The following LARP1B variants were observed in gnomAD, a reference collection of about 807,000 sequenced individuals.
LARP1B encodes the protein La ribonucleoprotein 1B.
A neutral mutation model predicts 114.2 loss-of-function variants in LARP1B; 76 were observed. That is an observed-to-expected ratio of 0.67 (90% CI 0.55 to 0.81). LARP1B has a LOEUF of 0.81. Among genes scored for constraint, LARP1B ranks in the 30% least tolerant of loss-of-function variants. LARP1B has a pLI of 0.00. For missense variants in LARP1B, 1,014 were observed against 1,075.8 expected (o/e 0.94, Z 0.80); for synonymous variants, 345 against 348.0 (o/e 0.99, Z 0.10).
chr4:128,160,242 CTG>C (rs1176050968), intron 11 of LARP1B, among the ~76,000 whole-genome samples: 4 of 152,232 alleles, frequency 2.6e-5, no homozygotes, highest in African/African-American at 2.4e-5. Flanking sequence ...GAGCCACAAA[CTG>C]TGGTTACATG....
chr4:128,073,572 G>GGTTTTTTTTTTTTTTTTTTTTT (rs1766384506), intron 1 of LARP1B, among the ~76,000 whole-genome samples: 1 of 39,996 alleles, frequency 2.5e-5, no homozygotes, highest in Non-Finnish European at 5.0e-5. Flanking sequence ...TATTGTTGTC[G>GGTTTTTTTTTTTTTTTTTTTTT]TTTTTTTTTT....
intron 11 of LARP1B, among the ~76,000 whole-genome samples, chr4:128,158,823 C>A (rs1400039862): frequency 6.6e-6 from 1 of 152,060 alleles, no homozygotes; most frequent in Non-Finnish European, 1.5e-5. Context: ...TGTGTACCGT[C>A]ACTTCCCTTC....
chr4:128,140,167 A>G (rs1408389400), intron 11 of LARP1B, among the ~76,000 whole-genome samples: 4 of 152,212 alleles, frequency 2.6e-5, no homozygotes. Flanking sequence ...GAAATTTAAG[A>G]TTACATTGTG....
At chr4:128,086,196 G>A (rs1309991605) in intron 5 of LARP1B, among the ~76,000 whole-genome samples, 1 of 151,576 alleles carries the variant, frequency 6.6e-6, no homozygotes, top group African/African-American at 2.4e-5. Context: ...TAGTAGAGAG[G>A]GAGTTTCACC....
intron 9 of LARP1B, 105 bp from the exon 10 acceptor site, chr4:128,114,465 T>A: frequency 8.4e-6 from 7 of 833,638 alleles, no homozygotes; most frequent in South Asian, 3.6e-5. Flanking sequence ...CTGATCATGT[T>A]TTTGTGAAAA....
At chr4:128,068,518 A>G (rs894221363) in intron 1 of LARP1B, among the ~76,000 whole-genome samples, 6 of 152,090 alleles carry the variant, frequency 3.9e-5, no homozygotes, top group Non-Finnish European at 5.9e-5. Flanking sequence ...AAATTTAAAA[A>G]TAGAGACAGT....
In LARP1B at chr4:128,162,307, G is replaced by C. The variant is rs780845254; in HGVS notation, c.1638G>C (p.Gln546His). 5 of 1,612,490 alleles carry C rather than the reference G, an allele frequency of 3.1e-6. No homozygotes were observed. In the Admixed American group the frequency reaches 8.4e-5, roughly 27 times the overall value. Reference sequence around the variant, plus strand: ...AAGAAGTTCCTGTAGCACCTTCACAGTCCAGGCAAGGTATGTAAATCTGCT... The same window carrying C: ...AAGAAGTTCCTGTAGCACCTTCACACTCCAGGCAAGGTATGTAAATCTGCT... ...PNQEVPVAPS[Q>H]SRQGGVQGVL... Residue 546 changes from glutamine to histidine, a missense_variant, in exon 12 of 20, where the codon CAG becomes CAC. By Grantham distance (24) the Gln-to-His change is conservative. Transcript: ENST00000326639.
chr4:128,075,239 C>T (rs1767351456), intron 3 of LARP1B, among the ~76,000 whole-genome samples: 1 of 151,618 alleles, frequency 6.6e-6, no homozygotes. Context: ...GTAGCTGGGA[C>T]TACAGGCACG....
intron 12 of LARP1B, among the ~76,000 whole-genome samples, chr4:128,164,521 A>G (rs1451519977): frequency 3.9e-5 from 6 of 152,190 alleles, no homozygotes; most frequent in African/African-American, 1.4e-4. Context: ...ACATGAATAG[A>G]AAAAGTAGTA....
intron 11 of LARP1B, among the ~76,000 whole-genome samples, chr4:128,158,925 T>G (rs1307307269): frequency 6.6e-6 from 1 of 151,946 alleles, no homozygotes; most frequent in Admixed American, 6.6e-5. Flanking sequence ...ATCCCAGCTG[T>G]TCTGGAGGCT....
chr4:128,167,063 T>C (rs961057846), intron 12 of LARP1B, among the ~76,000 whole-genome samples: 6 of 146,974 alleles, frequency 4.1e-5, no homozygotes, highest in South Asian at 2.2e-4. Context: ...CACACACATA[T>C]ACACACACAC....
At chr4:128,179,847 C>T (rs1020559999) in intron 15 of LARP1B, among the ~76,000 whole-genome samples, 1 of 151,938 alleles carries the variant, frequency 6.6e-6, no homozygotes, top group African/African-American at 2.4e-5. Flanking sequence ...TTATTGAGGA[C>T]ATTAATGTGC....
chr4:128,112,466 A>ATTTTTTTTTTTTT (rs1174266918), intron 9 of LARP1B, among the ~76,000 whole-genome samples: 1 of 69,318 alleles, frequency 1.4e-5, no homozygotes, highest in African/African-American at 6.1e-5. Context: ...TGCTTACTCT[A>ATTTTTTTTTTTTT]TTTTTTTTTT....
At chr4:128,108,674 T>A in intron 9 of LARP1B, 4 of 984,012 alleles carry the variant, frequency 4.1e-6, no homozygotes, top group Non-Finnish European at 4.8e-6. Flanking sequence ...TTATTTTTTG[T>A]TAAGATATAA....
intron 11 of LARP1B, among the ~76,000 whole-genome samples, chr4:128,135,719 G>A (rs768797310): frequency 1.4e-4 from 22 of 152,168 alleles, no homozygotes; most frequent in Non-Finnish European, 2.5e-4. Flanking sequence ...AACTAAAGTG[G>A]TGAAGTTTAT....
intron 5 of LARP1B, among the ~76,000 whole-genome samples, chr4:128,088,786 C>T (rs1774698019): frequency 6.6e-6 from 1 of 151,956 alleles, no homozygotes; most frequent in Admixed American, 6.6e-5. Flanking sequence ...ATAAGGCTTA[C>T]TTACAGATTA....
At position 128,211,551 on chromosome 4, in the gene LARP1B, A is replaced by C; in HGVS notation, c.*1498A>C. 1.1e-6 allele frequency: 1 copy of C among 924,632 alleles called. No individual in the cohort carries two copies. The highest frequency in any genetic ancestry group is 1.3e-6 in the Non-Finnish European group (1 of 774,656). 57.3% of individuals were successfully genotyped at this position (924,632 alleles called of 1,614,324 possible). A position where few individuals can be genotyped will look rare whatever the true frequency, so the allele number is the denominator to read the frequency against. On this transcript the variant is annotated 3_prime_UTR_variant, in exon 20 of 20. Transcript: ENST00000326639. ...GAAATAGTCAAATTTGAATATTCAG[A>C]AAATAAATTTATTTAGATATATTGT...
intron 19 of LARP1B, among the ~76,000 whole-genome samples, chr4:128,207,897 G>A (rs1253657178): frequency 6.6e-6 from 1 of 152,168 alleles, no homozygotes; most frequent in Non-Finnish European, 1.5e-5. Flanking sequence ...ACTCTCATGC[G>A]TTCTTCTCAT....
At chr4:128,069,479 C>G in intron 1 of LARP1B, 2 of 754,666 alleles carry the variant, frequency 2.7e-6, no homozygotes, top group Non-Finnish European at 4.9e-6. Context: ...TGTAGCCCAG[C>G]TGGTGCGCTT....
Sources: gnomAD v4.1 joint callset for allele counts (sites outside exome capture counted in the v4.1 genomes callset) on GRCh38, gnomAD v4.1.1 for gene constraint, MANE v1.5 for transcripts, NCBI Gene and HGNC (gene_info 2026-07-23, HGNC 2026-07-21) for gene names.